MSN: variants seen among roughly 807,000 people sequenced by gnomAD.
MSN encodes the protein epididymis luminal protein 70.
Under a neutral mutation model 48.0 loss-of-function variants are expected in MSN, and 2 were observed. The ratio of observed to expected loss-of-function variants is 0.04; its 90% CI spans 0.02 to 0.13. The LOEUF (loss-of-function observed/expected upper bound fraction) is 0.13, where lower values mean the gene tolerates loss of function less well. Among genes scored for constraint, MSN ranks in the 10% least tolerant of loss-of-function variants. The pLI, the probability that MSN is intolerant of heterozygous loss-of-function variation, is 1.00. For missense variants in MSN, 267 were observed against 470.1 expected, an observed-to-expected ratio of 0.57 and a Z score of 3.99; for synonymous variants, 146 against 166.9, an observed-to-expected ratio of 0.87 and a Z score of 0.97.
In MSN at chrX:65,596,296, C is replaced by A. The variant is rs891143423; in HGVS notation, c.-22+7684C>A. On this transcript the variant is annotated intron_variant, in intron 1 of 3. Coordinates refer to the MSN transcript ENST00000609672. The stretch of plus-strand genomic sequence containing the variant: ...TAAATAACAGAGGTAGGGATGCAGT[C>A]CTTGCTTAAGCTGACTATGAATGAA... Among the ~76,000 whole-genome samples the A allele has an allele frequency of 8.1e-5, 9 of 111,245 alleles. No individual in the cohort carries two copies. The South Asian group carries it at 3.0e-3, about 38-fold the overall frequency.
At chrX:65,679,648 C>A (rs1254001873) in intron 1 of MSN, among the ~76,000 whole-genome samples, 1 of 112,267 alleles carries the variant, frequency 8.9e-6, no homozygotes, top group Middle Eastern at 4.2e-3. Context: ...GAAAGGTGTA[C>A]CCTTCACTGG....
chrX:65,702,500 T>C (rs1250573382), intron 1 of MSN, among the ~76,000 whole-genome samples: 1 of 107,758 alleles, frequency 9.3e-6, no homozygotes, highest in African/African-American at 3.4e-5. Context: ...ACCCCTTCTC[T>C]ACTAAAAATA....
chrX:65,643,895 T>C (rs2070676539), intron 1 of MSN, among the ~76,000 whole-genome samples: 1 of 111,597 alleles, frequency 9.0e-6, no homozygotes, highest in Non-Finnish European at 1.9e-5. Context: ...ACTTTCCTGG[T>C]TTTGAAACGG....
At chrX:65,607,480 T>A (rs2070287374) in intron 1 of MSN, among the ~76,000 whole-genome samples, 1 of 110,969 alleles carries the variant, frequency 9.0e-6, no homozygotes, top group South Asian at 3.8e-4. Context: ...ATGGGGAAAA[T>A]AGAGACACAG....
At chrX:65,606,684 G>A (rs2070282068) in intron 1 of MSN, among the ~76,000 whole-genome samples, 1 of 112,358 alleles carries the variant, frequency 8.9e-6, no homozygotes, top group South Asian at 3.6e-4. Flanking sequence ...GCTTCTCAAA[G>A]TGCTAGGATT....
intron 2 of MSN, among the ~76,000 whole-genome samples, chrX:65,723,092 A>G (rs1009878388): frequency 9.0e-6 from 1 of 111,434 alleles, no homozygotes. Context: ...CTCCACAGTC[A>G]TGGAGCTGAG....
At chrX:65,638,208 T>A (rs1602742228) in intron 1 of MSN, among the ~76,000 whole-genome samples, 1 of 112,631 alleles carries the variant, frequency 8.9e-6, no homozygotes. Flanking sequence ...ATTTTGTACT[T>A]GATGTGTGCT....
chrX:65,612,240 T>C lies in MSN; in HGVS notation c.-22+23628T>C, dbSNP rs781469159. On this transcript the variant is annotated intron_variant, in intron 1 of 3. Coordinates refer to the MSN transcript ENST00000609672. ...AAGGCAAGTTTGGTCCCCTTTTCTC[T>C]CTCTCTCACCCTCTCTTGCCCTCTA... Among the ~76,000 whole-genome samples, 4 of 111,037 alleles carry C rather than the reference T, an allele frequency of 3.6e-5. No individual in the cohort carries two copies. The South Asian group carries it at 1.5e-3, about 42-fold the overall frequency.
chrX:65,623,331 G>A (rs980692838), intron 1 of MSN, among the ~76,000 whole-genome samples: 1 of 101,112 alleles, frequency 9.9e-6, no homozygotes, highest in Non-Finnish European at 2.0e-5. Flanking sequence ...AGGGATGTTA[G>A]CCTGTAATTT....
Position 65,733,165 on chromosome X carries a change from T to C in MSN, c.699-19T>C. The C allele has an allele frequency of 2.5e-6, 3 of 1,177,921 alleles. No individual in the cohort carries two copies. The highest frequency in any genetic ancestry group is 3.6e-5 in the South Asian group (2 of 56,020). ...TTGTCTTGCCCTTGTCCTGATGTTA[T>C]TGGTTTCTATTTCTACAGACTAACT... is the stretch of plus-strand genomic sequence containing the variant. On this transcript the variant is annotated intron_variant, in intron 6 of 12. Transcript: ENST00000360270.
intron 1 of MSN, among the ~76,000 whole-genome samples, chrX:65,658,109 A>G (rs2070795108): frequency 8.9e-6 from 1 of 112,161 alleles, no homozygotes; most frequent in African/African-American, 3.2e-5. Flanking sequence ...CCTAAGAAGT[A>G]GCTACAAGAC....
chrX:65,642,050 C>A (rs1361501400), intron 1 of MSN, among the ~76,000 whole-genome samples: 1 of 98,814 alleles, frequency 1.0e-5, no homozygotes, highest in Non-Finnish European at 2.0e-5. Context: ...AGGAGAATCG[C>A]TTGAACCTAG....
At chrX:65,631,346 G>A (rs764005802) in intron 1 of MSN, among the ~76,000 whole-genome samples, 1 of 110,331 alleles carries the variant, frequency 9.1e-6, no homozygotes. Context: ...TGCCCACCTC[G>A]GCCTCCCAAA....
intron 1 of MSN, among the ~76,000 whole-genome samples, chrX:65,699,046 T>C (rs1184764173): frequency 8.9e-6 from 1 of 112,037 alleles, no homozygotes; most frequent in Non-Finnish European, 1.9e-5. Flanking sequence ...ACTGTTTGGC[T>C]GGGCTACCTG....
At chrX:65,739,541 TTA>T (rs2071714533) in intron 12 of MSN, among the ~76,000 whole-genome samples, 186 bp from the exon 13 acceptor site, 1 of 110,897 alleles carries the variant, frequency 9.0e-6, no homozygotes, top group Non-Finnish European at 1.9e-5. Flanking sequence ...CTAAGTTTAT[TTA>T]TTTTTTTTTA....
intron 1 of MSN, among the ~76,000 whole-genome samples, chrX:65,619,963 G>T (rs374561069): frequency 1.8e-5 from 2 of 110,238 alleles, no homozygotes; most frequent in East Asian, 2.8e-4. Context: ...TGGAGTACCC[G>T]GCCGTGTGAG....
At chrX:65,729,912 T>C (rs1366667175) in intron 4 of MSN, among the ~76,000 whole-genome samples, 200 bp downstream of exon 4, 1 of 112,711 alleles carries the variant, frequency 8.9e-6, no homozygotes, top group African/African-American at 3.2e-5. Context: ...ATAAAAAGCC[T>C]TTTTGTTTTC....
chrX:65,657,869 G>T (rs1275464151), intron 1 of MSN, among the ~76,000 whole-genome samples: 1 of 111,674 alleles, frequency 9.0e-6, no homozygotes, highest in African/African-American at 3.3e-5. Context: ...GACACTACCT[G>T]GGCCCAGATC....
intron 1 of MSN, among the ~76,000 whole-genome samples, chrX:65,637,456 T>C (rs1376466774): frequency 9.2e-6 from 1 of 109,104 alleles, no homozygotes; most frequent in African/African-American, 3.3e-5. Context: ...CTCTTTAAGC[T>C]TTCCACACCC....
Sources: gnomAD v4.1 joint callset for allele counts (sites outside exome capture counted in the v4.1 genomes callset) on GRCh38, gnomAD v4.1.1 for gene constraint, MANE v1.5 for transcripts, NCBI Gene and HGNC (gene_info 2026-07-23, HGNC 2026-07-21) for gene names.